The following RBFOX3 variants were observed in gnomAD, a reference collection of about 807,000 sequenced individuals.
RBFOX3 encodes RNA binding fox-1 homolog 3.
A neutral mutation model predicts 48.7 loss-of-function variants in RBFOX3; 17 were observed. The observed-to-expected ratio is 0.35, with a 90% CI of 0.24 to 0.52. RBFOX3 has a LOEUF of 0.52. RBFOX3 is among the 20% of genes least tolerant of loss of function. The pLI, the probability that RBFOX3 is intolerant of heterozygous loss-of-function variation, is 0.94. For synonymous variants in RBFOX3, 212 were observed against 209.5 expected (o/e 1.01, Z -0.10); for missense variants, 382 against 497.5 (o/e 0.77, Z 2.21).
intron 2 of RBFOX3, among the ~76,000 whole-genome samples, chr17:79,340,908 T>C (rs982090644): frequency 2.0e-5 from 3 of 152,192 alleles, no homozygotes; most frequent in Non-Finnish European, 4.4e-5. Context: ...CCCTTCCTGT[T>C]TGAAAACCTT....
chr17:79,512,072 C>T (rs1171751809), intron 1 of RBFOX3, among the ~76,000 whole-genome samples: 4 of 129,222 alleles, frequency 3.1e-5, no homozygotes, highest in South Asian at 2.7e-4. Flanking sequence ...GATATACACC[C>T]GGATACATAT....
intron 4 of RBFOX3, among the ~76,000 whole-genome samples, chr17:79,208,152 A>G (rs2057783619): frequency 6.6e-6 from 1 of 152,170 alleles, no homozygotes. Context: ...AACCACAACC[A>G]AGCGGATACA....
chr17:79,345,009 C>T (rs1183845638), intron 2 of RBFOX3, among the ~76,000 whole-genome samples: 1 of 152,196 alleles, frequency 6.6e-6, no homozygotes, highest in Non-Finnish European at 1.5e-5. Context: ...CTCCTACCTT[C>T]CTTCTGGAAA....
At chr17:79,339,831 G>A (rs144967000) in intron 2 of RBFOX3, among the ~76,000 whole-genome samples, 111 of 152,304 alleles carry the variant, frequency 7.3e-4, no homozygotes, top group African/African-American at 2.6e-3. Flanking sequence ...AAACAGGACT[G>A]GATTGAACAG....
intron 1 of RBFOX3, among the ~76,000 whole-genome samples, chr17:79,506,536 C>A (rs1409299424): frequency 6.6e-6 from 1 of 152,196 alleles, no homozygotes; most frequent in Non-Finnish European, 1.5e-5. Flanking sequence ...TGGCCCCCTA[C>A]CTTCCTGCAG....
At chr17:79,226,307 T>G (rs7222701) in intron 4 of RBFOX3, among the ~76,000 whole-genome samples, 1 of 152,158 alleles carries the variant, frequency 6.6e-6, no homozygotes, top group Non-Finnish European at 1.5e-5. Flanking sequence ...AGAGGAGGAG[T>G]GCAGCCCAAC....
At chr17:79,178,279 A>C (rs1251666660) in intron 4 of RBFOX3, among the ~76,000 whole-genome samples, 1 of 152,348 alleles carries the variant, frequency 6.6e-6, no homozygotes, top group South Asian at 2.1e-4. Context: ...GGAATCTCCT[A>C]AACTTCGCTG....
intron 2 of RBFOX3, among the ~76,000 whole-genome samples, chr17:79,328,837 G>T (rs1026284339): frequency 2.0e-5 from 3 of 152,172 alleles, no homozygotes; most frequent in Admixed American, 1.3e-4. Context: ...AGCAGCGCAG[G>T]GTTAGCCGTG....
At chr17:79,496,426 A>G (rs960573025) in intron 1 of RBFOX3, among the ~76,000 whole-genome samples, 1 of 152,170 alleles carries the variant, frequency 6.6e-6, no homozygotes, top group Non-Finnish European at 1.5e-5. Context: ...CAGCCTGGGC[A>G]TCAGGGAAAT....
intron 2 of RBFOX3, among the ~76,000 whole-genome samples, chr17:79,448,270 A>G (rs2072754091): frequency 1.3e-5 from 2 of 152,196 alleles, no homozygotes; most frequent in African/African-American, 2.4e-5. Context: ...ACCTTTGGAC[A>G]CTGTAGTAGG....
At chr17:79,387,010 T>C (rs1422992936) in intron 2 of RBFOX3, among the ~76,000 whole-genome samples, 1 of 152,216 alleles carries the variant, frequency 6.6e-6, no homozygotes, top group Non-Finnish European at 1.5e-5. Flanking sequence ...TTTTTCACTA[T>C]TTTTTACATG....
At chr17:79,465,574 TG>T (rs2076198696) in intron 2 of RBFOX3, among the ~76,000 whole-genome samples, 1 of 139,440 alleles carries the variant, frequency 7.2e-6, no homozygotes, top group Non-Finnish European at 1.5e-5. Flanking sequence ...CAAGCACACA[TG>T]CACAAAAAAA....
chr17:79,144,186 G>A (rs1489657012), intron 4 of RBFOX3, among the ~76,000 whole-genome samples: 2 of 152,196 alleles, frequency 1.3e-5, no homozygotes, highest in African/African-American at 4.8e-5. Context: ...CTGCCTCTGA[G>A]CCAGGCCAGG....
chr17:79,102,047 AC>A (rs1231256556), intron 8 of RBFOX3, among the ~76,000 whole-genome samples: 1 of 152,154 alleles, frequency 6.6e-6, no homozygotes, highest in East Asian at 1.9e-4. Flanking sequence ...AGGCATGGGT[AC>A]CAAGATGGCC....
Position 79,140,559 on chromosome 17 carries a change from G to A in RBFOX3, c.-33-24811C>T, listed in dbSNP as rs547038192. On this transcript the variant is annotated intron_variant, in intron 4 of 14. Coordinates refer to ENST00000693108, the MANE Select transcript of RBFOX3 (RefSeq NM_001350451.2). ...GGCGGTGACAGTCCCTGGTTTTGCA[G>A]ACAGGGAAACTGAGGCTCAAAGAGA... Among the ~76,000 whole-genome samples, 162 of 152,386 alleles carry A rather than the reference G, an allele frequency of 1.1e-3. 1 individual carries two copies. The highest frequency in any genetic ancestry group is 3.7e-3 in the African/African-American group (152 of 41,602).
intron 2 of RBFOX3, among the ~76,000 whole-genome samples, chr17:79,351,663 C>T (rs571100805): frequency 1.1e-3 from 167 of 152,010 alleles, no homozygotes; most frequent in Non-Finnish European, 1.8e-3. Context: ...AAGTCCTTTG[C>T]CTATTTTTAA....
At chr17:79,233,403 G>T (rs4789961) in intron 4 of RBFOX3, among the ~76,000 whole-genome samples, 6 of 151,974 alleles carry the variant, frequency 3.9e-5, no homozygotes, top group African/African-American at 9.7e-5. Context: ...GTAATGGTTG[G>T]GGGTGATGAA....
At position 79,192,314 on chromosome 17, in the gene RBFOX3, G is replaced by C. The variant is rs9909891; in HGVS notation, c.-34+43452C>G. On this transcript the variant is annotated intron_variant, in intron 4 of 14. Transcript: ENST00000693108. ...CCACTGAGAGTTGCTGCATCAGGAT[G>C]GGGGGGAGCCGTCTGTTCCTGCTCT... 5.5e-4 allele frequency among the ~76,000 whole-genome samples: 83 copies of C among 152,086 alleles called. 2 individuals carry two copies. In the South Asian group the frequency reaches 0.016, roughly 29 times the overall value.
rs957742074 is a variant in RBFOX3, at chr17:79,494,490, G to C, written c.-319-11892C>G. ...CAACAAAGCACTTGGGCCTGGGCCA[G>C]AGCATAGGTCCACATTGCCATGATT... On this transcript the variant is annotated intron_variant, in intron 1 of 14. Coordinates refer to ENST00000693108, the MANE Select transcript of RBFOX3 (RefSeq NM_001350451.2). Among the ~76,000 whole-genome samples the C allele has an allele frequency of 1.4e-4, 21 of 152,370 alleles. No homozygotes were observed. In the South Asian group the frequency reaches 4.3e-3, roughly 32 times the overall value.
Sources: allele counts gnomAD v4.1 joint callset (sites outside exome capture counted in the v4.1 genomes callset), GRCh38; gene constraint gnomAD v4.1.1; transcripts MANE v1.5; gene names NCBI Gene and HGNC (gene_info 2026-07-23, HGNC 2026-07-21).